ITGA3: variants seen among roughly 807,000 people sequenced by gnomAD.
ITGA3 encodes integrin subunit alpha 3, also known as integrin alpha-3.
Under a neutral mutation model 131.1 loss-of-function variants are expected in ITGA3, and 70 were observed. The observed-to-expected ratio is 0.53, with a 90% CI of 0.44 to 0.65. ITGA3 has a LOEUF of 0.65. ITGA3 is among the 30% of genes least tolerant of loss of function. The pLI is 0.00. For missense variants in ITGA3, 1,098 were observed against 1,388.6 expected (o/e 0.79, Z 3.33); for synonymous variants, 537 against 571.6 (o/e 0.94, Z 0.86).
intron 6 of ITGA3, 23 bp from the exon 7 acceptor site, chr17:50,071,963 C>T: frequency 6.2e-7 from 1 of 1,603,436 alleles, no homozygotes; most frequent in South Asian, 1.1e-5. Context: ...CTCACACTCC[C>T]ATTTCCCTCC....
At position 50,079,488 on chromosome 17, in the gene ITGA3, AG is replaced by A; in HGVS notation, c.2642del (p.Gly881GlufsTer22). 1.3e-6 allele frequency: 2 copies of A among 1,581,300 alleles called. No homozygotes were observed. The highest frequency in any genetic ancestry group is 1.4e-5 in the African/African-American group (1 of 73,844). On this transcript the variant is annotated frameshift_variant, in exon 21 of 26. Coordinates refer to ENST00000320031, the MANE Select transcript of ITGA3 (RefSeq NM_002204.4). LOFTEE classifies it high-confidence loss of function. ...AGCGCAGGCGGCGACAGCTGGATCC[AG>A]GGGGAGGCCAGGGCCCCCCACCTGT... ...PQRRRRQLDP[G>X]GGQGPPPVTL... is the part of the protein sequence containing the mutation.
chr17:50,062,050 A>AG (rs1908108247), intron 1 of ITGA3, among the ~76,000 whole-genome samples: 1 of 151,612 alleles, frequency 6.6e-6, no homozygotes, highest in South Asian at 2.1e-4. Flanking sequence ...AAAAAAAAAA[A>AG]AAAAAAGAAA....
chr17:50,082,309 G>T (rs1909222752), intron 23 of ITGA3, among the ~76,000 whole-genome samples: 1 of 152,120 alleles, frequency 6.6e-6, no homozygotes, highest in African/African-American at 2.4e-5. Flanking sequence ...CTCCCAAGTA[G>T]CTGGGACTAC....
rs1598176163 is a variant in ITGA3 at position 50,056,182 on chromosome 17, G to A, written c.-258G>A. 9.8e-6 allele frequency: 4 copies of A among 407,148 alleles called. No individual in the cohort carries two copies. Among genetic ancestry groups the A allele is most frequent in the African/African-American group, 4.2e-5 (2 of 47,836 alleles). 25.2% of individuals were successfully genotyped at this position (407,148 alleles called of 1,614,324 possible). A position where few individuals can be genotyped will look rare whatever the true frequency, so the allele number is the denominator to read the frequency against. Reference sequence around the variant, plus strand: ...GCGCGGCCGGGACAAGCTGGGGGCCGGTTGCCCGGGGCAGGGACGGCGGCG... The same window carrying A: ...GCGCGGCCGGGACAAGCTGGGGGCCAGTTGCCCGGGGCAGGGACGGCGGCG... On this transcript the variant is annotated 5_prime_UTR_variant, in exon 1 of 26. Coordinates refer to ENST00000320031, the MANE Select transcript of ITGA3 (RefSeq NM_002204.4). The surrounding 1 kb of genome is among the most constrained non-coding windows in gnomAD (Gnocchi z 5.6).
intron 1 of ITGA3, among the ~76,000 whole-genome samples, chr17:50,058,746 G>A (rs932237740): frequency 1.3e-5 from 2 of 152,260 alleles, no homozygotes; most frequent in Non-Finnish European, 2.9e-5. Flanking sequence ...GGGCTTAGCT[G>A]CAGCCAGCTG....
chr17:50,068,844 TTATTTATTTATTTA>T (rs779671778), intron 4 of ITGA3, among the ~76,000 whole-genome samples: 13,054 of 144,768 alleles, frequency 0.09, 970 homozygotes, highest in East Asian at 0.3. Flanking sequence ...ATTTATTTAT[TTATTTATTTATTTA>T]TTTTTTTGAG....
rs1235914518 is a variant in ITGA3, at chr17:50,089,849, A to C, written c.*771A>C. On this transcript the variant is annotated 3_prime_UTR_variant, in exon 26 of 26. Transcript: ENST00000320031. Reference sequence around the variant, plus strand: ...GCGTGCTCAGACCCAACAGCAAAGGAACTAGAAAGAAGGACCCAGAACGGC... The same window carrying C: ...GCGTGCTCAGACCCAACAGCAAAGGCACTAGAAAGAAGGACCCAGAACGGC... 5.8e-6 allele frequency: 1 copy of C among 173,456 alleles called. No homozygotes were observed. The highest frequency in any genetic ancestry group is 1.2e-5 in the Non-Finnish European group (1 of 80,202). The allele number at this position is 173,456 out of a possible 1,614,324, so 10.7% of individuals were successfully genotyped here.
Position 50,078,964 on chromosome 17 carries a change from A to G in ITGA3, c.2400+38A>G, listed in dbSNP as rs758551924. 64 of 1,525,610 alleles carry G rather than the reference A, an allele frequency of 4.2e-5. No individual in the cohort carries two copies. In the South Asian group the frequency reaches 6.3e-4, roughly 15 times the overall value. The allele number at this position is 1,525,610 out of a possible 1,614,324, so 94.5% of individuals were successfully genotyped here. A position where few individuals can be genotyped will look rare whatever the true frequency, so the allele number is the denominator to read the frequency against. On this transcript the variant is annotated intron_variant, in intron 19 of 25. Transcript: ENST00000320031. ...CCAGAGTCCTGGGCTGGGGACTTCT[A>G]GGAAGGATTATTTTTATTTTCTCTG...
intron 1 of ITGA3, among the ~76,000 whole-genome samples, chr17:50,058,092 T>C (rs187534213): frequency 1.3e-5 from 2 of 152,322 alleles, no homozygotes; most frequent in East Asian, 1.9e-4. Flanking sequence ...TAAGATAACA[T>C]AGGTAAAGAG....
In ITGA3 at chr17:50,087,466, C is replaced by G. The variant is rs916325735; in HGVS notation, c.2920-278C>G. 9 of 384,816 alleles carry G rather than the reference C, an allele frequency of 2.3e-5. No individual in the cohort carries two copies. The Admixed American group carries it at 3.5e-4, about 15-fold the overall frequency. 23.8% of individuals were successfully genotyped at this position (384,816 alleles called of 1,614,324 possible). A position where few individuals can be genotyped will look rare whatever the true frequency, so the allele number is the denominator to read the frequency against. On this transcript the variant is annotated intron_variant, in intron 23 of 25. Transcript: ENST00000320031. ...GTCACACAGCTCATCAGGGAAGGAG[C>G]TGGTACCCAGGCCCAGATGTGTGGG...
intron 7 of ITGA3, among the ~76,000 whole-genome samples, chr17:50,072,867 C>T (rs1005236691): frequency 2.6e-5 from 4 of 152,000 alleles, no homozygotes; most frequent in Admixed American, 2.6e-4. Flanking sequence ...CCAATCGGAC[C>T]TGGGGTATCA....
At chr17:50,074,061 G>A (rs1908762984) in intron 8 of ITGA3, 57 bp downstream of exon 8, 2 of 1,555,566 alleles carry the variant, frequency 1.3e-6, no homozygotes, top group Non-Finnish European at 1.8e-6. Context: ...GGCCTTCCTT[G>A]CTTTCCTTCA....
intron 25 of ITGA3, among the ~76,000 whole-genome samples, 163 bp from the exon 26 acceptor site, chr17:50,088,947 A>G (rs1909587142): frequency 1.3e-5 from 2 of 151,870 alleles, no homozygotes; most frequent in Non-Finnish European, 2.9e-5. Flanking sequence ...CCTGGGGTGG[A>G]GAAACTCATC....
Position 50,064,243 on chromosome 17 carries a change from G to T in ITGA3, c.334+39G>T. ...GCTGGGGAGGGGTGCTGGGTCAGAG[G>T]TCTGGCAGGGGGGTACCGCAGAGAG... On this transcript the variant is annotated intron_variant, in intron 2 of 25. Transcript: ENST00000320031. The surrounding 1 kb of genome is among the most constrained non-coding windows in gnomAD (Gnocchi z 4.4). 1 of 1,581,196 alleles carries T rather than the reference G, an allele frequency of 6.3e-7. No individual in the cohort carries two copies.
intron 22 of ITGA3, 42 bp downstream of exon 22, chr17:50,080,417 G>GTTGTTCTCCCCCTC: frequency 8.0e-7 from 1 of 1,247,148 alleles, no homozygotes; most frequent in Non-Finnish European, 1.2e-6. Flanking sequence ...CATCCACCCT[G>GTTGTTCTCCCCCTC]AGGGGGAGAA....
chr17:50,089,182 G>A lies in ITGA3; in HGVS notation c.*104G>A. 6.2e-7 allele frequency: 1 copy of A among 1,613,564 alleles called. No homozygotes were observed. Among genetic ancestry groups the A allele is most frequent in the Non-Finnish European group, 8.5e-7 (1 of 1,179,776 alleles). On this transcript the variant is annotated 3_prime_UTR_variant, in exon 26 of 26. Transcript: ENST00000320031. ...CCACGCAGTGCGGATCCGGGAGGAG[G>A]AGCGCTACCCACCTCCAGGGAGCAC...
At chr17:50,087,546 C>T in intron 23 of ITGA3, 198 bp from the exon 24 acceptor site, 1 of 552,692 alleles carries the variant, frequency 1.8e-6, no homozygotes, top group African/African-American at 1.9e-5. Flanking sequence ...CCTCTGGAGT[C>T]AAGTCTGTGC....
chr17:50,083,555 T>G (rs1008084893), intron 23 of ITGA3, among the ~76,000 whole-genome samples: 1 of 151,748 alleles, frequency 6.6e-6, no homozygotes, highest in African/African-American at 2.4e-5. Context: ...AGACCTTATC[T>G]CTACAAATAA....
rs769013254 is a variant in ITGA3, at chr17:50,081,393, G to A, written c.2904G>A (p.Glu968=). The A allele has an allele frequency of 5.6e-5, 89 of 1,582,152 alleles. No homozygotes were observed. The highest frequency in any genetic ancestry group is 6.9e-5 in the Non-Finnish European group (80 of 1,162,128). Residue 968 remains glutamate, a synonymous_variant, in exon 23 of 26, where the codon GAG becomes GAA. Transcript: ENST00000320031. ...LRTSIPTINM[E]NKTTWFSVDI... ...CCAGCATCCCCACCATCAACATGGAGAACAAGACCACGTGGGTGAGTGCGC... is the reference window on the plus strand; with the variant it reads ...CCAGCATCCCCACCATCAACATGGAAAACAAGACCACGTGGGTGAGTGCGC...
Sources: gnomAD v4.1 joint callset for allele counts (sites outside exome capture counted in the v4.1 genomes callset) on GRCh38, gnomAD v4.1.1 for gene constraint, Gnocchi (gnomAD v3.1) non-coding constraint, MANE v1.5 for transcripts, NCBI Gene and HGNC (gene_info 2026-07-23, HGNC 2026-07-21) for gene names.